Variants in KDM6A observed in about 807,000 individuals in gnomAD.
The protein encoded by KDM6A is lysine demethylase 6A, also known as lysine-specific demethylase 6A.
A neutral mutation model predicts 117.6 loss-of-function variants in KDM6A; 11 were observed. The observed-to-expected ratio is 0.09, with a 90% confidence interval of 0.06 to 0.15. The LOEUF is 0.15. Ranked by LOEUF, KDM6A falls within the 10% of genes least tolerant of loss-of-function variation. The pLI, the probability that KDM6A is intolerant of heterozygous loss-of-function variation, is 1.00. For synonymous variants in KDM6A, 384 were observed against 396.1 expected (o/e 0.97, Z 0.36); for missense variants, 799 against 1,077.3 (o/e 0.74, Z 3.62).
At chrX:44,939,767 C>G (rs1411429115) in intron 2 of KDM6A, among the ~76,000 whole-genome samples, 1 of 111,754 alleles carries the variant, frequency 8.9e-6, no homozygotes, top group Non-Finnish European at 1.9e-5. Context: ...CCCTAAACTT[C>G]AGCAACCACC....
intron 27 of KDM6A, among the ~76,000 whole-genome samples, chrX:45,099,450 CAG>C (rs1300275993): frequency 9.1e-6 from 1 of 110,327 alleles, no homozygotes; most frequent in East Asian, 2.8e-4. Context: ...TTGTGTTGTG[CAG>C]AGTTCTACAT....
intron 2 of KDM6A, among the ~76,000 whole-genome samples, chrX:44,937,300 G>A (rs2037026252): frequency 9.0e-6 from 1 of 111,198 alleles, no homozygotes; most frequent in African/African-American, 3.3e-5. Context: ...GAACAGGAGA[G>A]TTATAGGCAC....
intron 8 of KDM6A, among the ~76,000 whole-genome samples, chrX:45,041,787 G>A (rs1256096770): frequency 2.7e-5 from 3 of 109,301 alleles, no homozygotes; most frequent in Admixed American, 9.4e-5. Flanking sequence ...CAGGCAGAGA[G>A]GCTCCTCATA....
chrX:44,908,246 CTGT>C (rs2034855393), intron 2 of KDM6A, among the ~76,000 whole-genome samples: 1 of 111,386 alleles, frequency 9.0e-6, no homozygotes, highest in African/African-American at 3.3e-5. Flanking sequence ...CCTGCTTTGT[CTGT>C]TGTTGTCTTC....
intron 8 of KDM6A, among the ~76,000 whole-genome samples, chrX:45,043,807 A>G (rs1041609343): frequency 7.2e-5 from 8 of 111,710 alleles, no homozygotes; most frequent in Admixed American, 2.8e-4. Flanking sequence ...ATAGGTTTCT[A>G]TGTATATTGT....
chrX:45,043,219 G>C (rs996104459), intron 8 of KDM6A, among the ~76,000 whole-genome samples: 4 of 111,356 alleles, frequency 3.6e-5, no homozygotes, highest in Non-Finnish European at 5.7e-5. Flanking sequence ...GAGCCTGGGA[G>C]GTGGAAGTTG....
At chrX:44,912,777 T>C (rs2035290221) in intron 2 of KDM6A, among the ~76,000 whole-genome samples, 1 of 112,190 alleles carries the variant, frequency 8.9e-6, no homozygotes, top group Non-Finnish European at 1.9e-5. Flanking sequence ...TCTTTCCTAA[T>C]AGCTTCGTCT....
At chrX:45,102,778 G>A (rs1215768486) in intron 27 of KDM6A, among the ~76,000 whole-genome samples, 1 of 111,747 alleles carries the variant, frequency 8.9e-6, no homozygotes, top group African/African-American at 3.3e-5. Context: ...GGAGCTTAAA[G>A]TTCTTAAGAT....
At chrX:45,058,925 G>T (rs2044191950) in intron 10 of KDM6A, 81 bp from the exon 11 acceptor site, 3 of 890,004 alleles carry the variant, frequency 3.4e-6, no homozygotes, top group Middle Eastern at 4.0e-4. Flanking sequence ...GTGATATATA[G>T]TCCATCCTTT....
intron 4 of KDM6A, among the ~76,000 whole-genome samples, chrX:45,007,121 G>A (rs1267667655): frequency 9.0e-6 from 1 of 111,584 alleles, no homozygotes; most frequent in African/African-American, 3.3e-5. Flanking sequence ...GGATTCTCAA[G>A]GCATTTTGCT....
At chrX:45,067,011 C>G (rs922950509) in intron 17 of KDM6A, among the ~76,000 whole-genome samples, 1 of 112,143 alleles carries the variant, frequency 8.9e-6, no homozygotes, top group African/African-American at 3.2e-5. Context: ...ATCACTACAG[C>G]TGGGAAGCCT....
chrX:44,942,038 C>CT (rs756550740), intron 2 of KDM6A, among the ~76,000 whole-genome samples: 3,768 of 100,551 alleles, frequency 0.037, 75 homozygotes, highest in Middle Eastern at 0.066. Context: ...TGTTGAAAGA[C>CT]TTTTTTTTTT....
intron 12 of KDM6A, among the ~76,000 whole-genome samples, chrX:45,059,741 C>T (rs1306541419): frequency 9.0e-6 from 1 of 111,637 alleles, no homozygotes; most frequent in African/African-American, 3.3e-5. Flanking sequence ...TTTAAGTTGT[C>T]ATAGCATTTT....
At chrX:45,049,965 CCTAA>C (rs1243842290) in intron 8 of KDM6A, among the ~76,000 whole-genome samples, 3 of 112,833 alleles carry the variant, frequency 2.7e-5, no homozygotes, top group Non-Finnish European at 5.6e-5. Flanking sequence ...TTATCCTTGG[CCTAA>C]CTATCTAATT....
chrX:44,889,788 A>G (rs2033189499), intron 2 of KDM6A, among the ~76,000 whole-genome samples: 1 of 112,472 alleles, frequency 8.9e-6, no homozygotes, highest in African/African-American at 3.2e-5. Context: ...CACATGACAG[A>G]TTGGATATCA....
rs1328715085 is a variant in KDM6A at position 44,877,013 on chromosome X, A to G, written c.225+3026A>G. On this transcript the variant is annotated intron_variant, in intron 2 of 29. Transcript: ENST00000611820. ...TACGCATACGTATATACACACGTAT[A>G]CGTGTATACATATATACATGTATAT... is the stretch of plus-strand genomic sequence containing the variant. Among the ~76,000 whole-genome samples the G allele has an allele frequency of 3.6e-5, 4 of 112,581 alleles. No homozygotes were observed. In the East Asian group the frequency reaches 1.1e-3, roughly 32 times the overall value.
At chrX:44,942,264 A>C (rs2037375587) in intron 2 of KDM6A, among the ~76,000 whole-genome samples, 1 of 109,866 alleles carries the variant, frequency 9.1e-6, no homozygotes, top group Non-Finnish European at 1.9e-5. Flanking sequence ...TGATCTCTTG[A>C]CCTCGTGATG....
chrX:44,940,840 A>T, intron 2 of KDM6A, among the ~76,000 whole-genome samples: 1 of 111,572 alleles, frequency 9.0e-6, no homozygotes, highest in Admixed American at 9.6e-5. Context: ...GTTGGAGACC[A>T]GCCTGACCAA....
At chrX:44,907,082 T>A (rs1229996194) in intron 2 of KDM6A, among the ~76,000 whole-genome samples, 1 of 111,632 alleles carries the variant, frequency 9.0e-6, no homozygotes, top group Non-Finnish European at 1.9e-5. Context: ...TAGTGTTGTA[T>A]CTTTGTGTTA....
Sources: allele counts gnomAD v4.1 joint callset (sites outside exome capture counted in the v4.1 genomes callset), GRCh38; gene constraint gnomAD v4.1.1; transcripts MANE v1.5; gene names NCBI Gene and HGNC (gene_info 2026-07-23, HGNC 2026-07-21).